Variants in GAB2 observed in about 807,000 individuals in gnomAD.
GAB2 encodes GRB2-associated-binding protein 2.
In GAB2, 26 loss-of-function variants were observed where a neutral mutation model predicts 65.5. The ratio of observed to expected loss-of-function variants is 0.40; its 90% CI spans 0.29 to 0.55. The LOEUF (loss-of-function observed/expected upper bound fraction) is 0.55, where lower values mean the gene tolerates loss of function less well. Ranked by LOEUF, GAB2 falls within the 20% of genes least tolerant of loss-of-function variation. The probability of loss-of-function intolerance (pLI) is 0.53; values close to 1 mark genes in which losing one functional copy is unlikely to be tolerated. For synonymous variants in GAB2, 321 were observed against 329.6 expected (o/e 0.97, Z 0.28); for missense variants, 884 against 875.8 (o/e 1.01, Z -0.12).
chr11:78,246,671 G>A (rs1865307027), intron 3 of GAB2, among the ~76,000 whole-genome samples: 1 of 152,034 alleles, frequency 6.6e-6, no homozygotes, highest in Non-Finnish European at 1.5e-5. Context: ...GCTAATTTTT[G>A]TATTTTTAGT....
At chr11:78,242,400 G>A (rs973936003) in intron 3 of GAB2, among the ~76,000 whole-genome samples, 1 of 152,136 alleles carries the variant, frequency 6.6e-6, no homozygotes, top group Non-Finnish European at 1.5e-5. Flanking sequence ...TACACAGGAG[G>A]TTGAGGCAGG....
intron 1 of GAB2, among the ~76,000 whole-genome samples, chr11:78,297,837 CACAA>C (rs573270903): frequency 1.9e-4 from 29 of 152,100 alleles, no homozygotes; most frequent in African/African-American, 6.0e-4. Context: ...TGTTTATGTA[CACAA>C]ACATACATAC....
intron 1 of GAB2, among the ~76,000 whole-genome samples, chr11:78,288,498 G>A (rs1179598898): frequency 1.3e-5 from 2 of 151,864 alleles, no homozygotes; most frequent in Non-Finnish European, 2.9e-5. Flanking sequence ...CAAGGTCACA[G>A]GATACAAGAT....
At chr11:78,409,721 A>C (rs918442086) in intron 1 of GAB2, among the ~76,000 whole-genome samples, 1 of 152,240 alleles carries the variant, frequency 6.6e-6, no homozygotes, top group Non-Finnish European at 1.5e-5. Flanking sequence ...CTAGATAGAA[A>C]AATCAGCAAG....
In GAB2 at chr11:78,290,515, T is replaced by C. The variant is rs377555552; in HGVS notation, c.76-9614A>G. Among the ~76,000 whole-genome samples, 21 of 152,304 alleles carry C rather than the reference T, an allele frequency of 1.4e-4. No individual in the cohort carries two copies. The East Asian group carries it at 3.1e-3, about 22-fold the overall frequency. ...GGTTAGATCTCAAGGTCTTCAAGCA[T>C]GTAGAATGAGGCTATAACTTCCTCT... On this transcript the variant is annotated intron_variant, in intron 1 of 9. Coordinates refer to ENST00000361507, the MANE Select transcript of GAB2 (RefSeq NM_080491.3).
chr11:78,237,482 C>A (rs1370863319), intron 3 of GAB2, among the ~76,000 whole-genome samples: 4 of 152,030 alleles, frequency 2.6e-5, no homozygotes, highest in Non-Finnish European at 4.4e-5. Flanking sequence ...ATGGAAAATG[C>A]AAATCAATCT....
chr11:78,373,898 G>C (rs1316701557), intron 1 of GAB2, among the ~76,000 whole-genome samples: 1 of 152,092 alleles, frequency 6.6e-6, no homozygotes, highest in African/African-American at 2.4e-5. Flanking sequence ...CTTCTTTGCT[G>C]CTCCAGGCTA....
chr11:78,304,340 C>T (rs7939068), intron 1 of GAB2, among the ~76,000 whole-genome samples: 6,499 of 152,172 alleles, frequency 0.043, 453 homozygotes, highest in African/African-American at 0.15. Context: ...AAAGCAATCC[C>T]ATACCCATTA....
chr11:78,404,759 C>G (rs1238298850), intron 1 of GAB2, among the ~76,000 whole-genome samples: 1 of 152,002 alleles, frequency 6.6e-6, no homozygotes, highest in Non-Finnish European at 1.5e-5. Context: ...CTGGAAAGGA[C>G]AGTGGGAAGA....
At chr11:78,359,062 A>G (rs1174396434) in intron 1 of GAB2, among the ~76,000 whole-genome samples, 5 of 152,204 alleles carry the variant, frequency 3.3e-5, no homozygotes, top group Non-Finnish European at 7.4e-5. Context: ...GTGACCAAGA[A>G]CTAAAGATAT....
intron 1 of GAB2, among the ~76,000 whole-genome samples, chr11:78,291,269 G>A (rs1021776762): frequency 9.0e-5 from 13 of 143,952 alleles, no homozygotes; most frequent in South Asian, 2.2e-4. Context: ...TGGCTAATAC[G>A]GTGAAACCGT....
At chr11:78,287,964 T>C (rs1866532291) in intron 1 of GAB2, among the ~76,000 whole-genome samples, 1 of 152,006 alleles carries the variant, frequency 6.6e-6, no homozygotes. Flanking sequence ...ATCACTCTTA[T>C]TCAACATATT....
chr11:78,346,851 G>C (rs1402574363), intron 1 of GAB2, among the ~76,000 whole-genome samples: 1 of 151,136 alleles, frequency 6.6e-6, no homozygotes, highest in African/African-American at 2.4e-5. Flanking sequence ...AAGTATCAGA[G>C]CCAGGGGAGC....
chr11:78,321,077 G>A (rs1565158480), intron 1 of GAB2, among the ~76,000 whole-genome samples: 1 of 152,144 alleles, frequency 6.6e-6, no homozygotes, highest in Non-Finnish European at 1.5e-5. Context: ...CAGGTTTCCC[G>A]AGCTGTAGGC....
chr11:78,361,904 G>A (rs1308481084), intron 1 of GAB2, among the ~76,000 whole-genome samples: 1 of 152,112 alleles, frequency 6.6e-6, no homozygotes, highest in Non-Finnish European at 1.5e-5. Flanking sequence ...TGACATATGT[G>A]CATTTTGGGA....
At chr11:78,300,114 C>T (rs1866952555) in intron 1 of GAB2, among the ~76,000 whole-genome samples, 1 of 152,166 alleles carries the variant, frequency 6.6e-6, no homozygotes, top group African/African-American at 2.4e-5. Context: ...CCAGGTGAAT[C>T]CTCACTCCCT....
chr11:78,235,273 C>G (rs573905621), intron 3 of GAB2, among the ~76,000 whole-genome samples: 1 of 152,044 alleles, frequency 6.6e-6, no homozygotes, highest in Non-Finnish European at 1.5e-5. Context: ...CTGCCTCAGT[C>G]TCCCGAGTAG....
chr11:78,313,485 A>G (rs1264039741), intron 1 of GAB2, among the ~76,000 whole-genome samples: 1 of 152,190 alleles, frequency 6.6e-6, no homozygotes, highest in East Asian at 1.9e-4. Context: ...TCCAGCTAGG[A>G]ACAGGACATA....
At chr11:78,312,238 AG>A (rs1471696408) in intron 1 of GAB2, among the ~76,000 whole-genome samples, 3 of 151,870 alleles carry the variant, frequency 2.0e-5, no homozygotes, top group Non-Finnish European at 4.4e-5. Context: ...AGAAAGTAAG[AG>A]GAAAACAAGA....
Sources: allele counts gnomAD v4.1 joint callset (sites outside exome capture counted in the v4.1 genomes callset), GRCh38; gene constraint gnomAD v4.1.1; transcripts MANE v1.5; gene names NCBI Gene and HGNC (gene_info 2026-07-23, HGNC 2026-07-21).